TMCC3: variants seen among roughly 807,000 people sequenced by gnomAD.
The protein encoded by TMCC3 is transmembrane and coiled-coil domain protein 3.
A neutral mutation model predicts 40.2 loss-of-function variants in TMCC3; 28 were observed. The ratio of observed to expected loss-of-function variants is 0.70; its 90% CI spans 0.52 to 0.95. TMCC3 has a LOEUF of 0.95. TMCC3 is among the 40% of genes least tolerant of loss of function. The pLI is 0.00. For synonymous variants in TMCC3, 255 were observed against 248.5 expected (o/e 1.03, Z -0.25); for missense variants, 554 against 615.2 (o/e 0.90, Z 1.05).
intron 1 of TMCC3, among the ~76,000 whole-genome samples, chr12:94,583,422 T>A (rs1433335562): frequency 6.6e-6 from 1 of 152,178 alleles, no homozygotes; most frequent in Middle Eastern, 3.4e-3. Flanking sequence ...GAGAATCACT[T>A]GAACCCGGAA....
At chr12:94,599,044 A>G (rs868630760) in intron 1 of TMCC3, among the ~76,000 whole-genome samples, 1 of 152,148 alleles carries the variant, frequency 6.6e-6, no homozygotes, top group Non-Finnish European at 1.5e-5. Context: ...GTGGTAGCAT[A>G]AGTTAGTGGT....
chr12:94,631,409 C>A (rs866807358), intron 1 of TMCC3, among the ~76,000 whole-genome samples: 1 of 152,124 alleles, frequency 6.6e-6, no homozygotes, highest in African/African-American at 2.4e-5. Flanking sequence ...AGGGTGGGCC[C>A]TAATGCCATT....
At chr12:94,627,484 G>A (rs1757071014) in intron 1 of TMCC3, among the ~76,000 whole-genome samples, 1 of 152,178 alleles carries the variant, frequency 6.6e-6, no homozygotes, top group Admixed American at 6.5e-5. Flanking sequence ...ATCCTTGCAA[G>A]GCCTCTACTG....
intron 3 of TMCC3, among the ~76,000 whole-genome samples, chr12:94,574,583 T>C (rs1331773608): frequency 6.6e-6 from 1 of 152,194 alleles, no homozygotes; most frequent in African/African-American, 2.4e-5. Flanking sequence ...ATTGATTTGC[T>C]TTTCTTCTGC....
intron 1 of TMCC3, among the ~76,000 whole-genome samples, chr12:94,634,811 C>G (rs935444556): frequency 6.6e-6 from 1 of 152,236 alleles, no homozygotes; most frequent in African/African-American, 2.4e-5. Flanking sequence ...CTAAATTGCC[C>G]AGCACATGAG....
intron 1 of TMCC3, chr12:94,616,114 C>T (rs1452740619): frequency 4.1e-6 from 4 of 984,910 alleles, no homozygotes; most frequent in Non-Finnish European, 4.8e-6. Flanking sequence ...CAGAGAAACT[C>T]CACGCCCTGC....
intron 1 of TMCC3, among the ~76,000 whole-genome samples, chr12:94,646,752 TTA>T (rs1491154109): frequency 1.2e-4 from 13 of 105,730 alleles, no homozygotes; most frequent in Non-Finnish European, 2.6e-4. Context: ...TTTTTTTTTT[TTA>T]AAAAACAAAT....
intron 1 of TMCC3, among the ~76,000 whole-genome samples, chr12:94,635,841 G>A (rs1296214697): frequency 6.6e-6 from 1 of 151,740 alleles, no homozygotes; most frequent in African/African-American, 2.4e-5. Context: ...TAATTTTTTT[G>A]TATTTTTAGT....
intron 3 of TMCC3, among the ~76,000 whole-genome samples, chr12:94,577,621 C>T (rs1386349331): frequency 1.3e-5 from 2 of 152,140 alleles, no homozygotes; most frequent in Non-Finnish European, 2.9e-5. Context: ...GCTTGCTAGA[C>T]ACCACATGGC....
chr12:94,646,130 T>C (rs1037694744), intron 1 of TMCC3, among the ~76,000 whole-genome samples: 22 of 152,150 alleles, frequency 1.4e-4, no homozygotes, highest in African/African-American at 4.1e-4. Context: ...GGTCCTTGCA[T>C]GCAGGATGGA....
chr12:94,578,472 T>C lies in TMCC3; in HGVS notation c.1053A>G (p.Thr351=). The C allele has an allele frequency of 6.2e-7, 1 of 1,614,192 alleles. No individual in the cohort carries two copies. The highest frequency in any genetic ancestry group is 8.5e-7 in the Non-Finnish European group (1 of 1,180,026). ...HDLTDLHQHE[T]ANLKQELASI... ...TGGCCAGCTCCTGCTTCAGGTTGGC[T>C]GTCTCATGCTGATGCAGGTCCGTCA... The change falls in exon 3 of 4, where the codon ACA becomes ACG. Residue 351 remains threonine (T), a synonymous_variant. Coordinates refer to ENST00000261226, the MANE Select transcript of TMCC3 (RefSeq NM_020698.4).
intron 1 of TMCC3, among the ~76,000 whole-genome samples, chr12:94,612,637 CA>C: frequency 6.6e-6 from 1 of 152,132 alleles, no homozygotes; most frequent in East Asian, 1.9e-4. Context: ...TTTTGTCCTT[CA>C]AAAATTGTTT....
chr12:94,636,139 G>A (rs992661222), intron 1 of TMCC3, among the ~76,000 whole-genome samples: 7 of 151,986 alleles, frequency 4.6e-5, no homozygotes, highest in South Asian at 4.2e-4. Context: ...TATGAACAGC[G>A]GTATATTTTT....
rs11400128 is a variant in TMCC3 at position 94,604,803 on chromosome 12, CAAAAAAAAAAA to C, written c.79-22276_79-22266del. Among the ~76,000 whole-genome samples the C allele has an allele frequency of 2.3e-4, 12 of 53,332 alleles. 3 individuals are homozygous for C. Among genetic ancestry groups the C allele is most frequent in the African/African-American group, 7.3e-4 (9 of 12,328 alleles). 35.0% of individuals were successfully genotyped at this position (53,332 alleles called of 152,430 possible). On this transcript the variant is annotated intron_variant, in intron 1 of 3. Coordinates refer to ENST00000261226, the MANE Select transcript of TMCC3 (RefSeq NM_020698.4). ...TAAGTGACAGAGTGAGACTTCATCT[CAAAAAAAAAAA>C]AAAAAAAAAAGAAGTAATAAGTACT... is the stretch of plus-strand genomic sequence containing the variant.
intron 1 of TMCC3, among the ~76,000 whole-genome samples, chr12:94,639,668 A>AACACAC (rs3073591): frequency 0.13 from 16,376 of 123,916 alleles, 1,252 homozygotes; most frequent in Middle Eastern, 0.17. Flanking sequence ...CATATATGTA[A>AACACAC]ACACACACAC....
At chr12:94,602,199 T>A (rs2068757159) in intron 1 of TMCC3, among the ~76,000 whole-genome samples, 1 of 152,230 alleles carries the variant, frequency 6.6e-6, no homozygotes, top group Admixed American at 6.5e-5. Flanking sequence ...AGTCTACTAA[T>A]CTCTCCTTCA....
At chr12:94,604,409 C>T (rs183888427) in intron 1 of TMCC3, among the ~76,000 whole-genome samples, 52 of 152,182 alleles carry the variant, frequency 3.4e-4, no homozygotes, top group Non-Finnish European at 5.6e-4. Flanking sequence ...TTCTGGGCAT[C>T]TTTTGTGAAC....
chr12:94,593,393 A>AGAGGAAGAGGAAGAGGAAGAG (rs1566320574), intron 1 of TMCC3, among the ~76,000 whole-genome samples: 1 of 28,418 alleles, frequency 3.5e-5, no homozygotes, highest in African/African-American at 1.3e-4. Flanking sequence ...GAAAGAAGAA[A>AGAGGAAGAGGAAGAGGAAGAG]GAAGAAAGAA....
chr12:94,620,670 CT>C (rs2068871399), intron 1 of TMCC3, among the ~76,000 whole-genome samples: 1 of 151,984 alleles, frequency 6.6e-6, no homozygotes. Flanking sequence ...TTTAGAGCTA[CT>C]AAACACTTCA....
Sources: gnomAD v4.1 joint callset for allele counts (sites outside exome capture counted in the v4.1 genomes callset) on GRCh38, gnomAD v4.1.1 for gene constraint, MANE v1.5 for transcripts, NCBI Gene and HGNC (gene_info 2026-07-23, HGNC 2026-07-21) for gene names.